SLC9A1: variants seen among roughly 807,000 people sequenced by gnomAD.
SLC9A1 encodes the protein sodium/hydrogen exchanger 1.
A neutral mutation model predicts 67.9 loss-of-function variants in SLC9A1; 22 were observed. The ratio of observed to expected loss-of-function variants is 0.32; its 90% CI spans 0.23 to 0.46. The LOEUF (loss-of-function observed/expected upper bound fraction) is 0.46. SLC9A1 is among the 20% of genes least tolerant of loss of function. SLC9A1 has a pLI of 1.00. For missense variants in SLC9A1, 686 were observed against 1,094.8 expected (o/e 0.63, Z 5.27); for synonymous variants, 421 against 471.8 (o/e 0.89, Z 1.40).
rs1285519364 is a variant in SLC9A1, at chr1:27,100,197, G to T, written c.*110C>A. On this transcript the variant is annotated 3_prime_UTR_variant, in exon 12 of 12. Coordinates refer to ENST00000263980, the MANE Select transcript of SLC9A1 (RefSeq NM_003047.5). This position sits in a 1 kb window ranked among gnomAD's most constrained non-coding sequence, Gnocchi z 5.6. ...TGTGGGCCCAGCTGCCATGCGGTAG[G>T]GGGAGGGGCAGGGCCAATCCGGGTC... The T allele has an allele frequency of 1.5e-5, 11 of 745,356 alleles. No individual in the cohort carries two copies. Among genetic ancestry groups the T allele is most frequent in the African/African-American group, 1.8e-5 (1 of 55,842 alleles). The allele number at this position is 745,356 out of a possible 1,614,324, so 46.2% of individuals were successfully genotyped here. A position where few individuals can be genotyped will look rare whatever the true frequency, so the allele number is the denominator to read the frequency against.
rs376818778 is a variant in SLC9A1, at chr1:27,154,888, G to C, written c.-554C>G. ...GGCCGGGAGCTTCTCCACCCAGAGAGGGGCAGGGGTCCAGGCGCGCCGGGC... is the reference window on the plus strand; with the variant it reads ...GGCCGGGAGCTTCTCCACCCAGAGACGGGCAGGGGTCCAGGCGCGCCGGGC... On this transcript the variant is annotated 5_prime_UTR_variant, in exon 1 of 12. Transcript: ENST00000263980. 6.6e-6 allele frequency: 1 copy of C among 152,466 alleles called. No homozygotes were observed. Among genetic ancestry groups the C allele is most frequent in the African/African-American group, 2.4e-5 (1 of 41,456 alleles). The allele number at this position is 152,466 out of a possible 1,614,324, so 9.4% of individuals were successfully genotyped here.
At chr1:27,110,774 G>A (rs1434514146) in intron 2 of SLC9A1, among the ~76,000 whole-genome samples, 1 of 152,210 alleles carries the variant, frequency 6.6e-6, no homozygotes, top group Non-Finnish European at 1.5e-5. Context: ...TCAGCTTTGA[G>A]GATCTGCCCC....
chr1:27,152,751 G>A (rs7546453), intron 1 of SLC9A1, among the ~76,000 whole-genome samples: 47,125 of 151,948 alleles, frequency 0.31, 7,706 homozygotes, highest in Non-Finnish European at 0.36. Context: ...TCCTGGATCT[G>A]TCAAATTAGA....
intron 8 of SLC9A1, 76 bp downstream of exon 8, chr1:27,102,309 C>A (rs992996358): frequency 2.3e-5 from 35 of 1,500,100 alleles, no homozygotes; most frequent in Non-Finnish European, 3.2e-5. Flanking sequence ...ACCCCGCCCC[C>A]CAGGTGGCCA....
At chr1:27,152,673 C>A (rs2083537833) in intron 1 of SLC9A1, among the ~76,000 whole-genome samples, 1 of 152,186 alleles carries the variant, frequency 6.6e-6, no homozygotes. Context: ...GTGCTGATGG[C>A]TTAGTTCCAT....
chr1:27,113,034 G>A (rs139828255), intron 2 of SLC9A1, among the ~76,000 whole-genome samples: 1 of 152,198 alleles, frequency 6.6e-6, no homozygotes, highest in East Asian at 1.9e-4. Context: ...CCCAAAAACT[G>A]TGCACAAACC....
Position 27,109,253 on chromosome 1 carries a change from C to T in SLC9A1, c.1064+274G>A, listed in dbSNP as rs1345749158. On this transcript the variant is annotated intron_variant, in intron 3 of 11. Coordinates refer to ENST00000263980, the MANE Select transcript of SLC9A1 (RefSeq NM_003047.5). The surrounding 1 kb of genome is among the most constrained non-coding windows in gnomAD (Gnocchi z 5.5). ...ACCCTGGGCTTGCCTTCATGCAGGTCATTCTTGCTTCATCTGCTCATAGCC... is the reference window on the plus strand; with the variant it reads ...ACCCTGGGCTTGCCTTCATGCAGGTTATTCTTGCTTCATCTGCTCATAGCC... 6.6e-6 allele frequency among the ~76,000 whole-genome samples: 1 copy of T among 152,162 alleles called. No homozygotes were observed. The highest frequency in any genetic ancestry group is 2.4e-5 in the African/African-American group (1 of 41,432).
intron 1 of SLC9A1, among the ~76,000 whole-genome samples, chr1:27,144,382 G>A (rs549310367): frequency 3.3e-5 from 5 of 152,230 alleles, no homozygotes; most frequent in African/African-American, 7.2e-5. Context: ...GACCCCACCC[G>A]GCCCAGAGAA....
chr1:27,105,710 C>CGA (rs2124136395), intron 5 of SLC9A1, 175 bp downstream of exon 5: 1 of 720,108 alleles, frequency 1.4e-6, no homozygotes, highest in Admixed American at 2.0e-5. Context: ...TCTCACTTTA[C>CGA]GATTGAAGAA....
At chr1:27,131,826 CAGG>C (rs140620696) in intron 1 of SLC9A1, among the ~76,000 whole-genome samples, 16,647 of 148,806 alleles carry the variant, frequency 0.11, 2,127 homozygotes, top group East Asian at 0.61. Flanking sequence ...GAGGCTGAGG[CAGG>C]AGAACTGCTT....
chr1:27,120,180 C>G (rs927740891), intron 1 of SLC9A1, among the ~76,000 whole-genome samples: 4 of 151,876 alleles, frequency 2.6e-5, no homozygotes, highest in African/African-American at 9.7e-5. Context: ...TCTTGTTGTA[C>G]AGTGGCGCGA....
rs200801166 is a variant in SLC9A1, at chr1:27,101,983, C to A, written c.1935+33G>T. On this transcript the variant is annotated intron_variant, in intron 9 of 11. Transcript: ENST00000263980. This position sits in a 1 kb window ranked among gnomAD's most constrained non-coding sequence, Gnocchi z 4.9. ...AGAGAGGGGCTGAAGGGCTCCTGTA[C>A]CCTGGGGGTCGGGCTGGGGAGCAGG... The A allele has an allele frequency of 7.8e-5, 121 of 1,550,302 alleles. No homozygotes were observed. In the African/African-American group the frequency reaches 1.5e-3, roughly 20 times the overall value.
intron 1 of SLC9A1, among the ~76,000 whole-genome samples, chr1:27,127,205 T>G (rs1233488356): frequency 6.6e-6 from 1 of 152,198 alleles, no homozygotes; most frequent in African/African-American, 2.4e-5. Context: ...TTTTGCCATG[T>G]TGCCCAGGCT....
chr1:27,142,636 G>A (rs2083459612), intron 1 of SLC9A1, among the ~76,000 whole-genome samples: 1 of 152,280 alleles, frequency 6.6e-6, no homozygotes. Flanking sequence ...TTAGGGAAAT[G>A]GGCAGGTGGC....
intron 1 of SLC9A1, among the ~76,000 whole-genome samples, chr1:27,131,273 C>T (rs775024496): frequency 6.6e-6 from 1 of 151,884 alleles, no homozygotes; most frequent in African/African-American, 2.4e-5. Context: ...TGTCACGCAG[C>T]GTCCAGTTGA....
At chr1:27,133,650 C>T (rs1346381925) in intron 1 of SLC9A1, among the ~76,000 whole-genome samples, 5 of 152,014 alleles carry the variant, frequency 3.3e-5, no homozygotes, top group Admixed American at 6.6e-5. Flanking sequence ...CAGCATCTCC[C>T]GCCCCATCCA....
rs2083148670 is a variant in SLC9A1, at chr1:27,101,934, G to T, written c.1935+82C>A. ...CCAGTCCTGGGGTGGGTGCCGAGGGGCACGGGCAGGGCAGGGCTGCCGTAG... is the reference window on the plus strand; with the variant it reads ...CCAGTCCTGGGGTGGGTGCCGAGGGTCACGGGCAGGGCAGGGCTGCCGTAG... On this transcript the variant is annotated intron_variant, in intron 9 of 11. Transcript: ENST00000263980. This position sits in a 1 kb window ranked among gnomAD's most constrained non-coding sequence, Gnocchi z 4.9. 1.6e-5 allele frequency: 23 copies of T among 1,420,356 alleles called. No individual in the cohort carries two copies. The highest frequency in any genetic ancestry group is 2.2e-5 in the Non-Finnish European group (22 of 1,008,544). 88.0% of individuals were successfully genotyped at this position (1,420,356 alleles called of 1,614,324 possible).
At chr1:27,147,347 C>T in intron 1 of SLC9A1, among the ~76,000 whole-genome samples, 1 of 129,938 alleles carries the variant, frequency 7.7e-6, no homozygotes, top group East Asian at 2.1e-4. Flanking sequence ...CAAAAATTAG[C>T]TGGGGGTGGT....
chr1:27,154,608 A>T lies in SLC9A1; in HGVS notation c.-274T>A. 1 of 396,304 alleles carries T rather than the reference A, an allele frequency of 2.5e-6. No individual in the cohort carries two copies. The highest frequency in any genetic ancestry group is 4.6e-6 in the Non-Finnish European group (1 of 219,250). The allele number at this position is 396,304 out of a possible 1,614,324, so 24.5% of individuals were successfully genotyped here. On this transcript the variant is annotated 5_prime_UTR_variant, in exon 1 of 12. Coordinates refer to ENST00000263980, the MANE Select transcript of SLC9A1 (RefSeq NM_003047.5). ...TGGAACTCCGGGCCTGGGAAGGGGG[A>T]GGACGGATGTGGGAAACTGAGCCCT... is the stretch of plus-strand genomic sequence containing the variant.
Sources: allele counts gnomAD v4.1 joint callset (sites outside exome capture counted in the v4.1 genomes callset), GRCh38; gene constraint gnomAD v4.1.1; non-coding constraint Gnocchi (gnomAD v3.1); transcripts MANE v1.5; gene names NCBI Gene and HGNC (gene_info 2026-07-23, HGNC 2026-07-21).